COPZ2: variants seen among roughly 807,000 people sequenced by gnomAD.
COPZ2 encodes the protein coatomer subunit zeta-2.
In COPZ2, 30 loss-of-function variants were observed where a neutral mutation model predicts 33.2. The ratio of observed to expected loss-of-function variants is 0.90; its 90% confidence interval spans 0.68 to 1.23. The LOEUF (loss-of-function observed/expected upper bound fraction) is 1.23. Among genes scored for constraint, COPZ2 ranks in the 50% most tolerant of loss-of-function variants. The probability of loss-of-function intolerance (pLI) is 0.00; values close to 1 mark genes in which losing one functional copy is unlikely to be tolerated. For missense variants in COPZ2, 263 were observed against 262.4 expected (o/e 1.00, Z -0.02); for synonymous variants, 89 against 102.6 (o/e 0.87, Z 0.80).
chr17:48,035,196 T>G (rs568799519), intron 2 of COPZ2, among the ~76,000 whole-genome samples: 25 of 152,298 alleles, frequency 1.6e-4, no homozygotes, highest in Middle Eastern at 3.4e-3. Flanking sequence ...TCTTAATCTG[T>G]AGGGAGGAAA....
chr17:48,043,633 T>C, the COPZ2 span: 3 of 878,390 alleles, frequency 3.4e-6, no homozygotes, highest in African/African-American at 3.6e-5. Context: ...TGAGATAAAG[T>C]TGTAGGGTGG....
In COPZ2 at chr17:48,037,432, C is replaced by T. The variant is rs1331113037; in HGVS notation, c.111+235G>A. Among the ~76,000 whole-genome samples the T allele has an allele frequency of 6.6e-6, 1 of 152,210 alleles. No homozygotes were observed. Among genetic ancestry groups the T allele is most frequent in the African/African-American group, 2.4e-5 (1 of 41,458 alleles). On this transcript the variant is annotated intron_variant, in intron 1 of 8. Transcript: ENST00000621465. This position sits in a 1 kb window ranked among gnomAD's most constrained non-coding sequence, Gnocchi z 5.6. Reference sequence around the variant, plus strand: ...CCGCGGAATCGCAACTCACCCGCCACCCCCACTCCAAACGGACCCAGAACT... The same window carrying T: ...CCGCGGAATCGCAACTCACCCGCCATCCCCACTCCAAACGGACCCAGAACT...
chr17:48,043,478 G>C, the COPZ2 span: 1 of 973,350 alleles, frequency 1.0e-6, no homozygotes, highest in Non-Finnish European at 1.2e-6. Context: ...AGAGGGGGAG[G>C]TGTGTGTGGA....
intron 5 of COPZ2, 123 bp downstream of exon 5, chr17:48,032,563 G>T: frequency 2.4e-6 from 2 of 834,228 alleles, no homozygotes; most frequent in Non-Finnish European, 3.9e-6. Flanking sequence ...TGTCGACTGT[G>T]AACTTTTCTT....
intron 8 of COPZ2, 61 bp from the exon 9 acceptor site, chr17:48,026,536 T>A (rs2036819886): frequency 1.6e-6 from 2 of 1,274,000 alleles, no homozygotes; most frequent in African/African-American, 2.9e-5. Context: ...CCATACACAG[T>A]CATGGGGAGG....
chr17:48,032,665 A>C, intron 5 of COPZ2, 21 bp downstream of exon 5: 1 of 1,573,270 alleles, frequency 6.4e-7, no homozygotes. Flanking sequence ...GGGGCCTCGG[A>C]GGGCAGAGAA....
Position 48,032,719 on chromosome 17 carries a change from G to T in COPZ2, c.383C>A (p.Thr128Asn). ...ENELMLMSVL[T>N]CLFESLNHML... ...GTGGTTCAGAGACTCAAACAGGCAG[G>T]TGAGAACAGACATGAGCATCAGCTG... Residue 128 changes from threonine to asparagine, a missense_variant, in exon 5 of 9, where the codon ACC (threonine) becomes AAC (asparagine). Transcript: ENST00000621465. 2 of 1,594,344 alleles carry T rather than the reference G, an allele frequency of 1.3e-6. No individual in the cohort carries two copies. Among genetic ancestry groups the T allele is most frequent in the Non-Finnish European group, 1.7e-6 (2 of 1,170,420 alleles).
chr17:48,037,410 C>A lies in COPZ2; in HGVS notation c.111+257G>T, dbSNP rs2037005477. On this transcript the variant is annotated intron_variant, in intron 1 of 8. Coordinates refer to ENST00000621465, the MANE Select transcript of COPZ2 (RefSeq NM_016429.4). This position sits in a 1 kb window ranked among gnomAD's most constrained non-coding sequence, Gnocchi z 5.6. Reference sequence around the variant, plus strand: ...GACAGGCCACTCCTTACCCTCCCCGCGGAATCGCAACTCACCCGCCACCCC... The same window carrying A: ...GACAGGCCACTCCTTACCCTCCCCGAGGAATCGCAACTCACCCGCCACCCC... Among the ~76,000 whole-genome samples the A allele has an allele frequency of 6.6e-6, 1 of 152,164 alleles. No individual in the cohort carries two copies. Among genetic ancestry groups the A allele is most frequent in the Admixed American group, 6.5e-5 (1 of 15,280 alleles).
Position 48,037,153 on chromosome 17 carries a change from G to C in COPZ2, c.112-228C>G. 1.3e-6 allele frequency: 1 copy of C among 758,076 alleles called. No individual in the cohort carries two copies. The highest frequency in any genetic ancestry group is 2.5e-6 in the Non-Finnish European group (1 of 404,442). 47.0% of individuals were successfully genotyped at this position (758,076 alleles called of 1,614,324 possible). On this transcript the variant is annotated intron_variant, in intron 1 of 8. Coordinates refer to ENST00000621465, the MANE Select transcript of COPZ2 (RefSeq NM_016429.4). This position sits in a 1 kb window ranked among gnomAD's most constrained non-coding sequence, Gnocchi z 5.6. Reference sequence around the variant, plus strand: ...CCCGAGTGGGCGCTGTGCCCGTTGGGTGCAGAAGGTCCTTCCGGGCCCAAG... The same window carrying C: ...CCCGAGTGGGCGCTGTGCCCGTTGGCTGCAGAAGGTCCTTCCGGGCCCAAG...
At chr17:48,041,796 G>A (rs1163718811), upstream of COPZ2, among the ~76,000 whole-genome samples, 1 of 142,748 alleles carries the variant, frequency 7.0e-6, no homozygotes, top group Non-Finnish European at 1.5e-5. Flanking sequence ...TAATATTTCT[G>A]TGAGCTAGTC....
intron 2 of COPZ2, among the ~76,000 whole-genome samples, chr17:48,034,524 G>A (rs1163087402): frequency 6.6e-6 from 1 of 152,172 alleles, no homozygotes; most frequent in Non-Finnish European, 1.5e-5. Context: ...GATGTGCAGG[G>A]TGCTAAGGAT....
the COPZ2 span, chr17:48,045,773 T>A: frequency 6.6e-6 from 1 of 151,436 alleles, no homozygotes; most frequent in South Asian, 2.1e-4. Flanking sequence ...CACATCAGCA[T>A]GGGATCCTTC....
upstream of COPZ2, among the ~76,000 whole-genome samples, chr17:48,042,589 G>A (rs1322238776): frequency 6.6e-6 from 1 of 152,114 alleles, no homozygotes; most frequent in Non-Finnish European, 1.5e-5. Context: ...AGCCTCCCAA[G>A]TAGCAGGGAT....
intron 6 of COPZ2, among the ~76,000 whole-genome samples, chr17:48,030,349 T>A (rs936496345): frequency 2.1e-5 from 3 of 143,252 alleles, no homozygotes; most frequent in African/African-American, 7.7e-5. Flanking sequence ...AACAAAAAAA[T>A]TCCCTTTTGA....
At chr17:48,045,962 G>C in the COPZ2 span, 8 of 152,350 alleles carry the variant, frequency 5.3e-5, no homozygotes, top group Middle Eastern at 3.4e-3. Context: ...TGGAACTCTA[G>C]ACAGAATGGA....
chr17:48,030,331 A>ACACACACACACACAC (rs1555571321), intron 6 of COPZ2, among the ~76,000 whole-genome samples: 1 of 111,800 alleles, frequency 8.9e-6, no homozygotes, highest in Admixed American at 9.4e-5. Context: ...CACACACACA[A>ACACACACACACACAC]AGAAACAAAC....
At chr17:48,043,892 G>A in the COPZ2 span, among the ~76,000 whole-genome samples, 1 of 152,176 alleles carries the variant, frequency 6.6e-6, no homozygotes, top group Non-Finnish European at 1.5e-5. Context: ...AGAGCTATAT[G>A]AAGAACACTA....
Position 48,033,894 on chromosome 17 carries a change from T to C in COPZ2, c.237A>G (p.Lys79=). ...PSMKEQMVFE[K]NVFNKTSRTE... is the part of the protein sequence containing the mutation. ...TCCGGCTGGTCTTGTTGAAGACATT[T>C]TTCTCGAAAACCATCTGCTCCTTCA... Residue 79 remains lysine (K), a synonymous_variant, in exon 3 of 9, where the codon AAA becomes AAG. Transcript: ENST00000621465. 6.2e-7 allele frequency: 1 copy of C among 1,612,020 alleles called. No homozygotes were observed. Among genetic ancestry groups the C allele is most frequent in the Non-Finnish European group, 8.5e-7 (1 of 1,179,072 alleles).
chr17:48,037,989 C>T (rs2037020401), upstream of COPZ2: 5 of 491,738 alleles, frequency 1.0e-5, no homozygotes, highest in Middle Eastern at 2.1e-3. This position sits in a 1 kb window ranked among gnomAD's most constrained non-coding sequence, Gnocchi z 5.6. Flanking sequence ...TGGCTCCTTC[C>T]CGAGTCCCTT....
Sources: gnomAD v4.1 joint callset for allele counts (sites outside exome capture counted in the v4.1 genomes callset) on GRCh38, gnomAD v4.1.1 for gene constraint, Gnocchi (gnomAD v3.1) non-coding constraint, MANE v1.5 for transcripts, NCBI Gene and HGNC (gene_info 2026-07-23, HGNC 2026-07-21) for gene names.